SSBP3: variants seen among roughly 807,000 people sequenced by gnomAD.
The protein encoded by SSBP3 is single-stranded DNA-binding protein 3.
A neutral mutation model predicts 69.6 loss-of-function variants in SSBP3; 5 were observed. That is an observed-to-expected ratio of 0.07 (90% CI 0.04 to 0.15). SSBP3 has a LOEUF of 0.15. Ranked by LOEUF, SSBP3 falls within the 10% of genes least tolerant of loss-of-function variation. The probability of loss-of-function intolerance (pLI) is 1.00; values close to 1 mark genes in which losing one functional copy is unlikely to be tolerated. For missense variants in SSBP3, 312 were observed against 534.0 expected (o/e 0.58, Z 4.10); for synonymous variants, 196 against 193.4 (o/e 1.01, Z -0.11).
At chr1:54,375,147 T>C (rs1647196448) in intron 4 of SSBP3, among the ~76,000 whole-genome samples, 1 of 152,184 alleles carries the variant, frequency 6.6e-6, no homozygotes, top group African/African-American at 2.4e-5. Flanking sequence ...TCCCCAGGTG[T>C]TGGGCAGGAC....
At chr1:54,379,826 C>T (rs1647475056) in intron 4 of SSBP3, among the ~76,000 whole-genome samples, 2 of 152,220 alleles carry the variant, frequency 1.3e-5, no homozygotes. Context: ...CCAGGCAAAG[C>T]ACAAGGCGGT....
At chr1:54,365,532 G>T (rs374834051) in intron 4 of SSBP3, among the ~76,000 whole-genome samples, 1 of 152,216 alleles carries the variant, frequency 6.6e-6, no homozygotes, top group African/African-American at 2.4e-5. Flanking sequence ...CTACTAAGTG[G>T]CCTGAGCAGG....
At chr1:54,315,850 C>T (rs568719632) in intron 4 of SSBP3, among the ~76,000 whole-genome samples, 1 of 152,048 alleles carries the variant, frequency 6.6e-6, no homozygotes, top group African/African-American at 2.4e-5. Context: ...TTGGTAGAGA[C>T]AGGGTCGCGC....
chr1:54,252,259 T>C (rs1186328424), intron 7 of SSBP3, among the ~76,000 whole-genome samples: 4 of 152,234 alleles, frequency 2.6e-5, no homozygotes, highest in African/African-American at 7.2e-5. Flanking sequence ...AACCCCATCT[T>C]GCCTTTGTCT....
At chr1:54,347,552 C>T (rs1447721923) in intron 4 of SSBP3, among the ~76,000 whole-genome samples, 3 of 152,090 alleles carry the variant, frequency 2.0e-5, no homozygotes, top group Admixed American at 1.3e-4. Context: ...TTACTGAATC[C>T]GCAAATGCTG....
chr1:54,390,784 C>T (rs996490913), intron 4 of SSBP3, among the ~76,000 whole-genome samples: 6 of 152,234 alleles, frequency 3.9e-5, no homozygotes, highest in South Asian at 2.1e-4. Context: ...GGGCCAGGGC[C>T]GCCGCCCGTA....
chr1:54,301,066 T>TCCC (rs1157038232), intron 4 of SSBP3, among the ~76,000 whole-genome samples: 1 of 152,146 alleles, frequency 6.6e-6, no homozygotes, highest in African/African-American at 2.4e-5. Context: ...CTTATCTATT[T>TCCC]CCCCCTTCAA....
At chr1:54,287,501 A>T (rs1645513170) in intron 4 of SSBP3, 1 of 152,010 alleles carries the variant, frequency 6.6e-6, no homozygotes, top group Non-Finnish European at 1.5e-5. Flanking sequence ...AGCTTGGGGC[A>T]CTCCTGTGAT....
Position 54,258,563 on chromosome 1 carries a change from T to G in SSBP3, c.367-414A>C, listed in dbSNP as rs1570282507. On this transcript the variant is annotated intron_variant, in intron 5 of 17. Transcript: ENST00000610401. The surrounding 1 kb of genome is among the most constrained non-coding windows in gnomAD (Gnocchi z 4.5). ...ACGTAGGTGCCGCTTGCACGGGAGGTGGGGAAAGATCGGGAAGGGCCCTGC... is the reference window on the plus strand; with the variant it reads ...ACGTAGGTGCCGCTTGCACGGGAGGGGGGGAAAGATCGGGAAGGGCCCTGC... 6.6e-6 allele frequency among the ~76,000 whole-genome samples: 1 copy of G among 150,704 alleles called. No homozygotes were observed.
intron 7 of SSBP3, among the ~76,000 whole-genome samples, chr1:54,254,084 G>A (rs75314556): frequency 0.031 from 4,693 of 152,284 alleles, 189 homozygotes; most frequent in African/African-American, 0.091. Context: ...TAAGAGGGCT[G>A]AAGCCCTCAA....
intron 4 of SSBP3, among the ~76,000 whole-genome samples, chr1:54,288,291 C>T (rs1022513607): frequency 4.6e-5 from 7 of 152,180 alleles, no homozygotes; most frequent in African/African-American, 1.4e-4. Flanking sequence ...TCTGATCAGG[C>T]CTTCCTGCCC....
intron 4 of SSBP3, among the ~76,000 whole-genome samples, chr1:54,398,005 C>A (rs751539402): frequency 6.6e-6 from 1 of 152,132 alleles, no homozygotes; most frequent in Non-Finnish European, 1.5e-5. Context: ...ATACCCGGTG[C>A]CAGGTATGCT....
intron 4 of SSBP3, among the ~76,000 whole-genome samples, chr1:54,342,030 G>A (rs1296520647): frequency 6.6e-6 from 1 of 152,216 alleles, no homozygotes; most frequent in Non-Finnish European, 1.5e-5. Context: ...TTCAAAATGC[G>A]GACTGACACC....
intron 4 of SSBP3, among the ~76,000 whole-genome samples, chr1:54,356,057 C>T (rs2100605068): frequency 6.6e-6 from 1 of 152,300 alleles, no homozygotes; most frequent in East Asian, 1.9e-4. Flanking sequence ...AATGCCAAAC[C>T]AACCCCTACA....
intron 4 of SSBP3, among the ~76,000 whole-genome samples, chr1:54,362,693 C>A (rs1027730646): frequency 2.0e-5 from 3 of 152,228 alleles, no homozygotes; most frequent in African/African-American, 7.2e-5. Context: ...CCAAATCTAA[C>A]CTTTTTCTTA....
intron 4 of SSBP3, among the ~76,000 whole-genome samples, chr1:54,289,030 A>AAAC (rs1645549824): frequency 9.9e-5 from 7 of 70,374 alleles, no homozygotes; most frequent in East Asian, 4.5e-4. Context: ...CAAAAAAAAA[A>AAAC]AAAAAACAAA....
chr1:54,233,349 G>A (rs552249778), intron 14 of SSBP3, among the ~76,000 whole-genome samples: 1 of 143,276 alleles, frequency 7.0e-6, no homozygotes, highest in Non-Finnish European at 1.5e-5. Context: ...CTGCCCGGCC[G>A]CCCCGTCTGA....
chr1:54,233,638 C>T (rs1310374125), intron 14 of SSBP3, among the ~76,000 whole-genome samples: 3 of 147,734 alleles, frequency 2.0e-5, no homozygotes, highest in African/African-American at 5.0e-5. Flanking sequence ...AGGTGAGGGG[C>T]GCCTCTGCCC....
intron 4 of SSBP3, among the ~76,000 whole-genome samples, chr1:54,378,988 C>T (rs1311126959): frequency 1.3e-5 from 2 of 152,208 alleles, no homozygotes; most frequent in African/African-American, 2.4e-5. Context: ...AGGCCAGACA[C>T]AAGACGCTGG....
Sources: gnomAD v4.1 joint callset for allele counts (sites outside exome capture counted in the v4.1 genomes callset) on GRCh38, gnomAD v4.1.1 for gene constraint, Gnocchi (gnomAD v3.1) non-coding constraint, MANE v1.5 for transcripts, NCBI Gene and HGNC (gene_info 2026-07-23, HGNC 2026-07-21) for gene names.